The following MAOB variants were observed in gnomAD, a reference collection of about 807,000 sequenced individuals.
The protein encoded by MAOB is monoamine oxidase B, also known as amine oxidase [flavin-containing] B.
Under a neutral mutation model 41.9 loss-of-function variants are expected in MAOB, and 15 were observed. The observed-to-expected ratio is 0.36, with a 90% confidence interval of 0.24 to 0.55. The LOEUF (loss-of-function observed/expected upper bound fraction) is 0.55, where lower values mean the gene tolerates loss of function less well. Ranked by LOEUF, MAOB falls within the 20% of genes least tolerant of loss-of-function variation. The probability of loss-of-function intolerance (pLI) is 0.86; values close to 1 mark genes in which losing one functional copy is unlikely to be tolerated. For missense variants in MAOB, 345 were observed against 398.7 expected (o/e 0.87, Z 1.15); for synonymous variants, 167 against 144.2 (o/e 1.16, Z -1.13).
At chrX:43,873,892 G>T (rs766290204) in intron 1 of MAOB, among the ~76,000 whole-genome samples, 53 of 111,154 alleles carry the variant, frequency 4.8e-4, no homozygotes, top group Non-Finnish European at 7.5e-4. Flanking sequence ...GGCCAGGATG[G>T]GCTCGGTCTC....
intron 1 of MAOB, among the ~76,000 whole-genome samples, chrX:43,853,407 G>A (rs1032950311): frequency 9.0e-6 from 1 of 111,066 alleles, no homozygotes; most frequent in Non-Finnish European, 1.9e-5. Flanking sequence ...AGGCCCGGGG[G>A]CAATGCCCTC....
At chrX:43,767,871 T>C (rs1455512477) in intron 14 of MAOB, among the ~76,000 whole-genome samples, 4 of 112,187 alleles carry the variant, frequency 3.6e-5, no homozygotes, top group Non-Finnish European at 7.5e-5. Flanking sequence ...GCATGTCTTC[T>C]TCACTGTTCT....
chrX:43,878,670 A>G (rs1167646419), intron 1 of MAOB, among the ~76,000 whole-genome samples: 1 of 111,049 alleles, frequency 9.0e-6, no homozygotes, highest in Non-Finnish European at 1.9e-5. Context: ...GAAGTTCTCC[A>G]TTTTTCTTCA....
chrX:43,780,383 G>A lies in MAOB; in HGVS notation c.1038C>T (p.Ala346=). ...GACGTGCCAGTTTTCTGGCTTTGTG[G>A]GCCAGGATAAATCTAAAGAATATAA... ...NYAAIMGFIL[A]HKARKLARLT... Residue 346 remains alanine, a synonymous_variant, in exon 10 of 15, where the codon GCC becomes GCT. Transcript: ENST00000378069. 1 of 1,196,684 alleles carries A rather than the reference G, an allele frequency of 8.4e-7. No homozygotes were observed. The highest frequency in any genetic ancestry group is 2.2e-5 in the Admixed American group (1 of 45,796).
rs770494902 is a variant in MAOB at position 43,838,982 on chromosome X, G to A, written c.165C>T (p.Asp55=). 6 of 1,188,488 alleles carry A rather than the reference G, an allele frequency of 5.0e-6. No individual in the cohort carries two copies. The African/African-American group carries it at 8.9e-5, about 18-fold the overall frequency. The change falls in exon 3 of 15, where the codon GAC becomes GAT. Residue 55 remains aspartate (D), a synonymous_variant. Transcript: ENST00000378069. ...TLRNQKVKYV[D]LGGSYVGPTQ... ...TTGGTCCAACATAGGATCCTCCAAG[G>A]TCCACATATTTAACCTTTTGGTTCT...
At position 43,856,616 on chromosome X, in the gene MAOB, T is replaced by C. The variant is rs28522648; in HGVS notation, c.47-12852A>G. Among the ~76,000 whole-genome samples, 615 of 111,965 alleles carry C rather than the reference T, an allele frequency of 5.5e-3. 3 individuals carry two copies. The highest frequency in any genetic ancestry group is 0.019 in the African/African-American group (582 of 30,776). ...CTTACTGATAACATAGACAGTCCAT[T>C]AACACATACTTTGTATGATATATGT... On this transcript the variant is annotated intron_variant, in intron 1 of 14. Transcript: ENST00000378069.
At chrX:43,843,544 G>A in intron 2 of MAOB, 126 bp downstream of exon 2, 1 of 548,132 alleles carries the variant, frequency 1.8e-6, no homozygotes, top group Non-Finnish European at 2.8e-6. Context: ...TGTGAAGAAT[G>A]TTTCAGAGTT....
In MAOB at chrX:43,882,416, C is replaced by G. The variant is rs2035479605; in HGVS notation, c.-117G>C. The stretch of plus-strand genomic sequence containing the variant: ...TGCCCGCCGGCCTGCTGCGCGCTGC[C>G]CCCGTGCACCAGCGCCTCGGCGAGC... On this transcript the variant is annotated 5_prime_UTR_variant, in exon 1 of 15. Transcript: ENST00000378069. 9.5e-7 allele frequency: 1 copy of G among 1,051,552 alleles called. No individual in the cohort carries two copies. The highest frequency in any genetic ancestry group is 2.0e-5 in the African/African-American group (1 of 50,942). The allele number at this position is 1,051,552 out of a possible 1,213,427, so 86.7% of individuals were successfully genotyped here. A position where few individuals can be genotyped will look rare whatever the true frequency, so the allele number is the denominator to read the frequency against.
intron 8 of MAOB, among the ~76,000 whole-genome samples, chrX:43,786,913 T>C (rs912595872): frequency 8.9e-6 from 1 of 111,754 alleles, no homozygotes; most frequent in Non-Finnish European, 1.9e-5. Flanking sequence ...AAGAGATTTC[T>C]GCCACTTGCA....
At chrX:43,802,400 G>C in intron 4 of MAOB, 137 bp from the exon 5 acceptor site, 2 of 466,019 alleles carry the variant, frequency 4.3e-6, no homozygotes, top group Non-Finnish European at 7.1e-6. Flanking sequence ...AAAATGTTAA[G>C]TTTTCCAAAT....
chrX:43,837,579 A>C (rs1286592473), intron 3 of MAOB, among the ~76,000 whole-genome samples: 1 of 112,962 alleles, frequency 8.9e-6, no homozygotes, highest in Non-Finnish European at 1.9e-5. Context: ...TACCAAATTA[A>C]GTAACTGCTT....
At chrX:43,819,117 T>A (rs994843676) in intron 3 of MAOB, among the ~76,000 whole-genome samples, 1 of 111,585 alleles carries the variant, frequency 9.0e-6, no homozygotes, top group Non-Finnish European at 1.9e-5. Flanking sequence ...ATAAACAAAG[T>A]TTGGCGTGGA....
chrX:43,859,172 T>G (rs1307217978), intron 1 of MAOB, among the ~76,000 whole-genome samples: 1 of 111,304 alleles, frequency 9.0e-6, no homozygotes, highest in Admixed American at 9.6e-5. Context: ...TGCCTGTGGC[T>G]GAGATCTAGT....
At chrX:43,803,816 G>T (rs1305644308) in intron 3 of MAOB, among the ~76,000 whole-genome samples, 2 of 111,069 alleles carry the variant, frequency 1.8e-5, no homozygotes, top group Non-Finnish European at 3.8e-5. Flanking sequence ...CTTAGAAGGG[G>T]ATCAAAAATC....
At chrX:43,848,263 C>T (rs941600967) in intron 1 of MAOB, among the ~76,000 whole-genome samples, 1 of 111,616 alleles carries the variant, frequency 9.0e-6, no homozygotes, top group Non-Finnish European at 1.9e-5. Context: ...CTGCCTCATG[C>T]TTGGCTTTGT....
At chrX:43,837,428 C>G (rs947755646) in intron 3 of MAOB, among the ~76,000 whole-genome samples, 15 of 112,223 alleles carry the variant, frequency 1.3e-4, no homozygotes, top group East Asian at 8.4e-4. Flanking sequence ...GAACTCCTGA[C>G]CTCAGGTGAT....
At chrX:43,836,374 A>G (rs1370395672) in intron 3 of MAOB, among the ~76,000 whole-genome samples, 1 of 112,520 alleles carries the variant, frequency 8.9e-6, no homozygotes, top group Non-Finnish European at 1.9e-5. Context: ...TCTTAGCTAT[A>G]AGGTCTTCGT....
chrX:43,773,178 T>G (rs1029411142), intron 12 of MAOB, among the ~76,000 whole-genome samples: 1 of 111,893 alleles, frequency 8.9e-6, no homozygotes, highest in Non-Finnish European at 1.9e-5. Context: ...CTCTGCCTCC[T>G]ACAACCCTCA....
rs1569230944 is a variant in MAOB, at chrX:43,857,155, AG to A, written c.47-13392del. Among the ~76,000 whole-genome samples the A allele has an allele frequency of 3.0e-4, 18 of 60,150 alleles. 1 individual carries two copies. The highest frequency in any genetic ancestry group is 1.7e-3 in the East Asian group (3 of 1,757). 52.2% of individuals were successfully genotyped at this position (60,150 alleles called of 115,157 possible). A position where few individuals can be genotyped will look rare whatever the true frequency, so the allele number is the denominator to read the frequency against. On this transcript the variant is annotated intron_variant, in intron 1 of 14. Coordinates refer to ENST00000378069, the MANE Select transcript of MAOB (RefSeq NM_000898.5). ...GAGAGAGAGAGAGAGAGAGAGAGAG[AG>A]AGAGAGAGAAGAAGAGAGAGAGAGA...
Sources: allele counts gnomAD v4.1 joint callset (sites outside exome capture counted in the v4.1 genomes callset), GRCh38; gene constraint gnomAD v4.1.1; transcripts MANE v1.5; gene names NCBI Gene and HGNC (gene_info 2026-07-23, HGNC 2026-07-21).